Variants in RNF17 observed in about 807,000 individuals in gnomAD.
The protein encoded by RNF17 is spermatogenesis associated 23.
RNF17 carries 31 observed loss-of-function variants against 200.5 expected under a neutral mutation model. That is an observed-to-expected ratio of 0.15 (90% confidence interval 0.12 to 0.21). The LOEUF (loss-of-function observed/expected upper bound fraction) is 0.21, where lower values mean the gene tolerates loss of function less well. Among genes scored for constraint, RNF17 ranks in the 10% least tolerant of loss-of-function variants. The pLI is 1.00. For missense variants in RNF17, 1,628 were observed against 1,905.1 expected (o/e 0.85, Z 2.71); for synonymous variants, 606 against 637.8 (o/e 0.95, Z 0.75).
intron 28 of RNF17, among the ~76,000 whole-genome samples, chr13:24,864,154 C>T (rs1179647201): frequency 6.6e-6 from 1 of 152,142 alleles, no homozygotes; most frequent in Non-Finnish European, 1.5e-5. Context: ...GAGTCAACAC[C>T]TTAAAATGGT....
At chr13:24,800,952 A>T (rs1441811397) in intron 13 of RNF17, among the ~76,000 whole-genome samples, 2 of 152,206 alleles carry the variant, frequency 1.3e-5, no homozygotes, top group Non-Finnish European at 2.9e-5. Context: ...GTAAACTCTT[A>T]AGAGACAGAA....
intron 27 of RNF17, 41 bp downstream of exon 27, chr13:24,861,428 T>G (rs781168155): frequency 3.2e-6 from 4 of 1,253,080 alleles, no homozygotes; most frequent in Admixed American, 2.8e-5. Context: ...ATTTTAAATA[T>G]TAGTTTTTAT....
At chr13:24,747,953 C>A in the RNF17 span, among the ~76,000 whole-genome samples, 2 of 152,204 alleles carry the variant, frequency 1.3e-5, no homozygotes, top group Non-Finnish European at 2.9e-5. Flanking sequence ...AGGCAAGCCT[C>A]GGCCCGGTAC....
At chr13:24,794,727 A>C (rs1884335528) in intron 10 of RNF17, among the ~76,000 whole-genome samples, 2 of 152,096 alleles carry the variant, frequency 1.3e-5, no homozygotes, top group Admixed American at 1.3e-4. Context: ...CCCCCAATAA[A>C]AAAAATATTT....
In RNF17 at chr13:24,778,263, AAAAAT is replaced by A. The variant is rs538042264; in HGVS notation, c.318-24_318-20del. ...GGTGACAGAGAAAGATCCTGTCACA[AAAAAT>A]AAAATAATATACTTGATACTTTTCA... On this transcript the variant is annotated intron_variant, in intron 3 of 35. Transcript: ENST00000255324. 7,080 of 1,451,338 alleles carry A rather than the reference AAAAAT, an allele frequency of 4.9e-3. 24 individuals are homozygous for A. The highest frequency in any genetic ancestry group is 6.0e-3 in the Non-Finnish European group (6,272 of 1,036,934). The allele number at this position is 1,451,338 out of a possible 1,614,324, so 89.9% of individuals were successfully genotyped here.
intron 30 of RNF17, among the ~76,000 whole-genome samples, 199 bp from the exon 31 acceptor site, chr13:24,868,401 C>T (rs9511485): frequency 0.24 from 31,311 of 130,820 alleles, 4,007 homozygotes; most frequent in East Asian, 0.3. Context: ...ACCCGGGAGG[C>T]GGAGCTTGCA....
downstream of RNF17, chr13:24,882,139 TACATCTATATAG>T (rs1566273577): frequency 0.26 from 1,632 of 6,204 alleles, 645 homozygotes; most frequent in Non-Finnish European, 0.54. Flanking sequence ...TATAGATAGA[TACATCTATATAG>T]ATAGATACAT....
chr13:24,862,169 G>T (rs570615958), intron 27 of RNF17, among the ~76,000 whole-genome samples: 1 of 152,228 alleles, frequency 6.6e-6, no homozygotes, highest in South Asian at 2.1e-4. Flanking sequence ...TTTGGGTGGG[G>T]ACACAGCCAA....
intron 9 of RNF17, among the ~76,000 whole-genome samples, chr13:24,790,796 A>G (rs1267623946): frequency 2.0e-5 from 3 of 152,160 alleles, no homozygotes; most frequent in Non-Finnish European, 4.4e-5. Flanking sequence ...AAAGGGACAA[A>G]TAACTATCTT....
At chr13:24,802,611 T>C in intron 14 of RNF17, 40 bp downstream of exon 14, 1 of 1,514,216 alleles carries the variant, frequency 6.6e-7, no homozygotes, top group Non-Finnish European at 9.0e-7. Flanking sequence ...TTTGAGATTA[T>C]AGCTATAAAT....
chr13:24,795,401 C>A (rs1220780068), intron 10 of RNF17, among the ~76,000 whole-genome samples: 6 of 150,046 alleles, frequency 4.0e-5, no homozygotes, highest in African/African-American at 4.9e-5. Context: ...CTCTCTCTCT[C>A]TATGTGTGTG....
In RNF17 at chr13:24,764,415, G is replaced by T. The variant is rs1321693651; in HGVS notation, c.130+82G>T. On this transcript the variant is annotated intron_variant, in intron 1 of 35. Transcript: ENST00000255324. The stretch of plus-strand genomic sequence containing the variant: ...CCAGGTGAGCTGGTGGGCGCGTGAG[G>T]CTTGGTCAGCTGCATCCAATCCTGG... 2.0e-6 allele frequency: 3 copies of T among 1,464,260 alleles called. No homozygotes were observed. In the African/African-American group the frequency reaches 4.2e-5, roughly 20 times the overall value. The allele number at this position is 1,464,260 out of a possible 1,614,324, so 90.7% of individuals were successfully genotyped here.
the RNF17 span, among the ~76,000 whole-genome samples, chr13:24,752,941 C>T: frequency 1.3e-5 from 2 of 152,192 alleles, no homozygotes; most frequent in South Asian, 4.1e-4. Flanking sequence ...CACCCTCCCT[C>T]GTTAGCCCCC....
chr13:24,861,030 A>G (rs1264659613), intron 26 of RNF17, among the ~76,000 whole-genome samples: 1 of 151,914 alleles, frequency 6.6e-6, no homozygotes, highest in African/African-American at 2.4e-5. Context: ...GGCGCATACC[A>G]CCACAGACAG....
intron 15 of RNF17, among the ~76,000 whole-genome samples, chr13:24,808,453 G>A (rs1343503515): frequency 1.6e-5 from 2 of 126,932 alleles, no homozygotes; most frequent in Non-Finnish European, 3.3e-5. Context: ...TTTGTCTGTT[G>A]TTGGTGTATA....
chr13:24,881,424 A>AGCC (rs1566271931), downstream of RNF17, among the ~76,000 whole-genome samples: 2 of 152,038 alleles, frequency 1.3e-5, no homozygotes, highest in African/African-American at 4.8e-5. Context: ...TACAGGTGTG[A>AGCC]GCCACCATGC....
At chr13:24,797,213 G>A (rs1361332162) in intron 11 of RNF17, among the ~76,000 whole-genome samples, 1 of 152,140 alleles carries the variant, frequency 6.6e-6, no homozygotes, top group Non-Finnish European at 1.5e-5. Context: ...CTTATTTTCA[G>A]AAAATGTTCT....
At chr13:24,760,937 A>G (rs749955880), upstream of RNF17, among the ~76,000 whole-genome samples, 1 of 152,208 alleles carries the variant, frequency 6.6e-6, no homozygotes, top group Non-Finnish European at 1.5e-5. Context: ...AGACGGTATT[A>G]GAATGGAGAT....
chr13:24,888,181 G>A, the RNF17 span, among the ~76,000 whole-genome samples: 1 of 152,098 alleles, frequency 6.6e-6, no homozygotes, highest in African/African-American at 2.4e-5. Context: ...CCTGAGGATT[G>A]AGAAGAATTA....
Sources: allele counts gnomAD v4.1 joint callset (sites outside exome capture counted in the v4.1 genomes callset), GRCh38; gene constraint gnomAD v4.1.1; transcripts MANE v1.5; gene names NCBI Gene and HGNC (gene_info 2026-07-23, HGNC 2026-07-21).